Variants in CCNI observed in about 807,000 individuals in gnomAD.
CCNI encodes cyclin I.
CCNI carries 14 observed loss-of-function variants against 34.1 expected under a neutral mutation model. The observed-to-expected ratio is 0.41, with a 90% CI of 0.27 to 0.64. The LOEUF (loss-of-function observed/expected upper bound fraction) is 0.64. CCNI is among the 30% of genes least tolerant of loss of function. The pLI, the probability that CCNI is intolerant of heterozygous loss-of-function variation, is 0.31. For synonymous variants in CCNI, 154 were observed against 158.4 expected (o/e 0.97, Z 0.21); for missense variants, 385 against 440.5 (o/e 0.87, Z 1.13).
Position 77,048,300 on chromosome 4 carries a change from AC to A in CCNI, c.1052del (p.Gly351ValfsTer35), listed in dbSNP as rs777097081. ...YNEDNVSENV[G>X]SVCGTDLSRQ... ...TTGATAAATCAGTGCCACACACAGAACCCACATTTTCTGAGACATTATCTTC... is the reference window on the plus strand; with the variant it reads ...TTGATAAATCAGTGCCACACACAGAACCACATTTTCTGAGACATTATCTTC... On this transcript the variant is annotated frameshift_variant, in exon 7 of 7. Transcript: ENST00000237654. LOFTEE classifies it high-confidence loss of function. 5 of 1,613,954 alleles carry A rather than the reference AC, an allele frequency of 3.1e-6. No homozygotes were observed. In the South Asian group the frequency reaches 4.4e-5, roughly 14 times the overall value.
At chr4:77,064,111 G>C (rs4252836) in intron 2 of CCNI, among the ~76,000 whole-genome samples, 1 of 151,826 alleles carries the variant, frequency 6.6e-6, no homozygotes, top group African/African-American at 2.4e-5. Context: ...GTATGGTGGC[G>C]GGTGCCTGTT....
intron 1 of CCNI, among the ~76,000 whole-genome samples, chr4:77,074,453 TCAACAAAC>T (rs1254805176): frequency 6.6e-6 from 1 of 152,210 alleles, no homozygotes; most frequent in Non-Finnish European, 1.5e-5. Flanking sequence ...CACTGCTATT[TCAACAAAC>T]TCATTTTCAG....
At chr4:77,058,306 C>T (rs1056396403) in intron 3 of CCNI, among the ~76,000 whole-genome samples, 2 of 152,072 alleles carry the variant, frequency 1.3e-5, no homozygotes, top group African/African-American at 4.8e-5. Flanking sequence ...CCAGCCAGGG[C>T]AACAGAGCAA....
intron 2 of CCNI, among the ~76,000 whole-genome samples, chr4:77,061,258 TATC>T (rs1466179151): frequency 1.3e-5 from 2 of 152,214 alleles, no homozygotes; most frequent in African/African-American, 2.4e-5. Flanking sequence ...TAAACAGTAA[TATC>T]ATCATGACAG....
chr4:77,074,805 C>G (rs4252772), intron 1 of CCNI: 16,075 of 152,254 alleles, frequency 0.11, 1,080 homozygotes, highest in South Asian at 0.19. Flanking sequence ...GAAACACCTT[C>G]CACTGTTTTG....
chr4:77,064,594 C>G (rs1377672968), intron 2 of CCNI: 1 of 144,350 alleles, frequency 6.9e-6, no homozygotes, highest in African/African-American at 2.8e-5. Context: ...CGCACACACA[C>G]ACACACACAC....
intron 1 of CCNI, among the ~76,000 whole-genome samples, chr4:77,070,082 A>G (rs1332212460): frequency 1.4e-5 from 2 of 148,080 alleles, no homozygotes; most frequent in Non-Finnish European, 3.0e-5. Flanking sequence ...TAGTGGCACG[A>G]TCTCGGCTCA....
rs4252936 is a variant in CCNI, at chr4:77,050,687, T to C, written c.691-2025A>G. Among the ~76,000 whole-genome samples, 186 of 152,236 alleles carry C rather than the reference T, an allele frequency of 1.2e-3. 1 individual carries two copies. Among genetic ancestry groups the C allele is most frequent in the Non-Finnish European group, 2.5e-3 (168 of 68,008 alleles). ...TCCCTTAAAAGAAAAAAAGTTAACATAACACTTAAGATAGTCCCTGAACTA... is the reference window on the plus strand; with the variant it reads ...TCCCTTAAAAGAAAAAAAGTTAACACAACACTTAAGATAGTCCCTGAACTA... On this transcript the variant is annotated intron_variant, in intron 6 of 6. Coordinates refer to ENST00000237654, the MANE Select transcript of CCNI (RefSeq NM_006835.3).
intron 1 of CCNI, among the ~76,000 whole-genome samples, chr4:77,071,192 G>A (rs991664378): frequency 6.6e-6 from 1 of 152,100 alleles, no homozygotes; most frequent in Non-Finnish European, 1.5e-5. Flanking sequence ...TTCTCCAATT[G>A]CCTATAATTA....
chr4:77,074,067 AACAT>A (rs1444737267), intron 1 of CCNI, among the ~76,000 whole-genome samples: 2 of 152,232 alleles, frequency 1.3e-5, no homozygotes, highest in Non-Finnish European at 2.9e-5. Context: ...AAGACGAAGA[AACAT>A]ACATAGGAAG....
intron 6 of CCNI, among the ~76,000 whole-genome samples, chr4:77,051,646 A>C (rs1225600214): frequency 1.3e-5 from 2 of 152,192 alleles, no homozygotes; most frequent in Non-Finnish European, 2.9e-5. Context: ...TAAGACACCA[A>C]AATAATTTGT....
chr4:77,070,155 T>C (rs2109845982), intron 1 of CCNI, among the ~76,000 whole-genome samples: 1 of 151,860 alleles, frequency 6.6e-6, no homozygotes, highest in East Asian at 1.9e-4. Flanking sequence ...GTAGCTGGGA[T>C]TACAGGCACA....
At position 77,069,441 on chromosome 4, in the gene CCNI, A is replaced by ATAT. The variant is rs932669839; in HGVS notation, c.-43-3037_-43-3036insATA. On this transcript the variant is annotated intron_variant, in intron 1 of 6. Transcript: ENST00000237654. ...GCCAATATCATTTTTATATATATAT[A>ATAT]TTTTTTTTATTATTATACTTTAAGT... 3.1e-3 allele frequency among the ~76,000 whole-genome samples: 455 copies of ATAT among 146,046 alleles called. 2 individuals are homozygous for ATAT. The highest frequency in any genetic ancestry group is 0.012 in the African/African-American group (428 of 36,780).
intron 1 of CCNI, among the ~76,000 whole-genome samples, chr4:77,069,044 C>T (rs1480172878): frequency 6.6e-6 from 1 of 152,176 alleles, no homozygotes; most frequent in Non-Finnish European, 1.5e-5. Context: ...AAAGACCTAT[C>T]TCAAAGGTAA....
At chr4:77,062,823 C>T (rs1167315740) in intron 2 of CCNI, among the ~76,000 whole-genome samples, 1 of 152,020 alleles carries the variant, frequency 6.6e-6, no homozygotes, top group Non-Finnish European at 1.5e-5. Context: ...ATGTTTTCCC[C>T]AAATTCATGT....
chr4:77,067,464 T>C (rs1407015274), intron 1 of CCNI, among the ~76,000 whole-genome samples: 1 of 151,994 alleles, frequency 6.6e-6, no homozygotes, highest in African/African-American at 2.4e-5. Context: ...CAAGACAACA[T>C]AGAGTCCAAG....
At chr4:77,075,100 T>A (rs1578263355) in intron 1 of CCNI, 1 of 152,144 alleles carries the variant, frequency 6.6e-6, no homozygotes, top group East Asian at 1.9e-4. Context: ...TCGTTCAACC[T>A]GAGGGTGGGG....
chr4:77,068,002 C>A (rs1432323736), intron 1 of CCNI, among the ~76,000 whole-genome samples: 1 of 151,562 alleles, frequency 6.6e-6, no homozygotes, highest in Non-Finnish European at 1.5e-5. Context: ...CATGGTGAGA[C>A]CCCCGTCTCT....
rs533076684 is a variant in CCNI, at chr4:77,075,369, G to A, written c.-44+103C>T. Reference sequence around the variant, plus strand: ...TCTCCGGCGAGCAGCGCGCGGCCAAGGGCGCTGCCACGGGGGCGGCGCGGG... The same window carrying A: ...TCTCCGGCGAGCAGCGCGCGGCCAAAGGCGCTGCCACGGGGGCGGCGCGGG... On this transcript the variant is annotated intron_variant, in intron 1 of 6. Coordinates refer to ENST00000237654, the MANE Select transcript of CCNI (RefSeq NM_006835.3). 44 of 318,476 alleles carry A rather than the reference G, an allele frequency of 1.4e-4. No homozygotes were observed. The East Asian group carries it at 5.0e-3, about 36-fold the overall frequency. The allele number at this position is 318,476 out of a possible 1,614,324, so 19.7% of individuals were successfully genotyped here. A position where few individuals can be genotyped will look rare whatever the true frequency, so the allele number is the denominator to read the frequency against.
Sources: gnomAD v4.1 joint callset for allele counts (sites outside exome capture counted in the v4.1 genomes callset) on GRCh38, gnomAD v4.1.1 for gene constraint, MANE v1.5 for transcripts, NCBI Gene and HGNC (gene_info 2026-07-23, HGNC 2026-07-21) for gene names.